Variants in LRRC8E observed in about 807,000 individuals in gnomAD.
LRRC8E encodes volume-regulated anion channel subunit LRRC8E.
LRRC8E carries 6 observed loss-of-function variants against 6.1 expected under a neutral mutation model. The observed-to-expected ratio is 0.98, with a 90% CI of 0.54 to 1.93. LRRC8E has a LOEUF of 1.93. Ranked by LOEUF, LRRC8E falls within the 30% of genes most tolerant of loss-of-function variation. The probability of loss-of-function intolerance (pLI) is 0.01; values close to 1 mark genes in which losing one functional copy is unlikely to be tolerated. For synonymous variants in LRRC8E, 485 were observed against 472.8 expected (o/e 1.03, Z -0.33); for missense variants, 1,028 against 1,031.4 (o/e 1.00, Z 0.04).
Position 7,900,131 on chromosome 19 carries a change from C to G in LRRC8E, c.1609C>G (p.Leu537Val). ...GGAGAGCCTCCGGGAGCTGAAGCAG[C>G]TCAAGGTGTTGTCCCTCCGGAGCAA... ...TLESLRELKQLKVLSLRSNAG... is the reference protein window; with the variant it reads ...TLESLRELKQVKVLSLRSNAG... The change falls in exon 3 of 3, where the codon CTC (leucine) becomes GTC (valine). Residue 537 changes from leucine to valine, a missense_variant. Transcript: ENST00000306708. This position sits in a 1 kb window ranked among gnomAD's most constrained non-coding sequence, Gnocchi z 5.0. The G allele has an allele frequency of 6.2e-7, 1 of 1,612,944 alleles. No homozygotes were observed. The highest frequency in any genetic ancestry group is 1.3e-5 in the African/African-American group (1 of 75,072).
chr19:7,890,595 C>T (rs1981251247), intron 1 of LRRC8E, among the ~76,000 whole-genome samples: 1 of 152,038 alleles, frequency 6.6e-6, no homozygotes, highest in African/African-American at 2.4e-5. Context: ...TGAGACCATC[C>T]TGGCTAATAC....
chr19:7,900,694 G>A lies in LRRC8E; in HGVS notation c.2172G>A (p.Leu724=). Residue 724 remains leucine (L), a synonymous_variant, in exon 3 of 3, where the codon CTG becomes CTA. Coordinates refer to ENST00000306708, the MANE Select transcript of LRRC8E (RefSeq NM_025061.6). The surrounding 1 kb of genome is among the most constrained non-coding windows in gnomAD (Gnocchi z 5.0). ...AAGAGCTCTTCTTCTGCCGCAAGCT[G>A]CGGACGTTGCTTCTGGGCGACAACC... is the stretch of plus-strand genomic sequence containing the variant. ...LPEELFFCRK[L]RTLLLGDNQL... The A allele has an allele frequency of 6.2e-7, 1 of 1,613,432 alleles. No homozygotes were observed. Among genetic ancestry groups the A allele is most frequent in the Non-Finnish European group, 8.5e-7 (1 of 1,180,034 alleles).
rs1277418363 is a variant in LRRC8E, at chr19:7,895,885, C to T, written c.138+144C>T. On this transcript the variant is annotated intron_variant, in intron 2 of 2. Coordinates refer to ENST00000306708, the MANE Select transcript of LRRC8E (RefSeq NM_025061.6). The surrounding 1 kb of genome is among the most constrained non-coding windows in gnomAD (Gnocchi z 4.7). ...AAGGCCAATCCAGACCCCTTATCTT[C>T]CTTACCTCCATAGCCAGGAGCACCG... The T allele has an allele frequency of 1.0e-6, 1 of 974,120 alleles. No homozygotes were observed. The highest frequency in any genetic ancestry group is 1.5e-6 in the Non-Finnish European group (1 of 667,356). 60.3% of individuals were successfully genotyped at this position (974,120 alleles called of 1,614,324 possible).
rs1331073923 is a variant in LRRC8E, at chr19:7,901,128, G to A, written c.*215G>A. 6 of 484,490 alleles carry A rather than the reference G, an allele frequency of 1.2e-5. No individual in the cohort carries two copies. In the East Asian group the frequency reaches 1.3e-4, roughly 10 times the overall value. The allele number at this position is 484,490 out of a possible 1,614,324, so 30.0% of individuals were successfully genotyped here. A position where few individuals can be genotyped will look rare whatever the true frequency, so the allele number is the denominator to read the frequency against. ...GTGGAGCTGGGGTGGAACCTGGTAT[G>A]GAGGGATTAACTCAGTCATGGCATT... On this transcript the variant is annotated 3_prime_UTR_variant, in exon 3 of 3. Transcript: ENST00000306708.
Position 7,900,227 on chromosome 19 carries a change from G to A in LRRC8E, c.1705G>A (p.Gly569Arg), listed in dbSNP as rs1325488809. 2 of 1,613,270 alleles carry A rather than the reference G, an allele frequency of 1.2e-6. No homozygotes were observed. Among genetic ancestry groups the A allele is most frequent in the Non-Finnish European group, 1.7e-6 (2 of 1,180,024 alleles). ...HLQRLSLHND[G>R]ARLVALNSLK... is the part of the protein sequence containing the mutation. ...GCAGAGGCTCAGCCTGCACAACGAT[G>A]GGGCCCGTCTGGTTGCCCTGAACAG... The change falls in exon 3 of 3, where the codon GGG becomes AGG. Residue 569 changes from glycine (G) to arginine (R), a missense_variant. Gly to Arg is a moderately radical substitution (Grantham distance 125). Transcript: ENST00000306708. The surrounding 1 kb of genome is among the most constrained non-coding windows in gnomAD (Gnocchi z 5.0).
rs886154406 is a variant in LRRC8E at position 7,895,519 on chromosome 19, C to T, written c.-5-80C>T. Reference sequence around the variant, plus strand: ...GGAGGGTCACAGGCCTGCCTGTGTCCGGCTCCTCGGAGGACCCCCTGCAGA... The same window carrying T: ...GGAGGGTCACAGGCCTGCCTGTGTCTGGCTCCTCGGAGGACCCCCTGCAGA... On this transcript the variant is annotated intron_variant, in intron 1 of 2. Transcript: ENST00000306708. This position sits in a 1 kb window ranked among gnomAD's most constrained non-coding sequence, Gnocchi z 4.7. 1.0e-4 allele frequency: 154 copies of T among 1,543,034 alleles called. No individual in the cohort carries two copies. The highest frequency in any genetic ancestry group is 1.1e-4 in the Non-Finnish European group (129 of 1,127,730).
At chr19:7,891,565 G>A (rs1048907241) in intron 1 of LRRC8E, among the ~76,000 whole-genome samples, 2 of 148,652 alleles carry the variant, frequency 1.3e-5, no homozygotes, top group Non-Finnish European at 3.0e-5. Context: ...GTGTGTGTGT[G>A]TTGTGTGATT....
chr19:7,894,468 C>A (rs1981472860), intron 1 of LRRC8E, among the ~76,000 whole-genome samples: 1 of 152,198 alleles, frequency 6.6e-6, no homozygotes. Flanking sequence ...CTCAAGTGAT[C>A]CACCTGCCTC....
chr19:7,890,753 C>A (rs1981262439), intron 1 of LRRC8E, among the ~76,000 whole-genome samples: 1 of 151,712 alleles, frequency 6.6e-6, no homozygotes, highest in African/African-American at 2.4e-5. Flanking sequence ...CACACCACTG[C>A]ACTCCAGCCT....
chr19:7,900,614 C>T lies in LRRC8E; in HGVS notation c.2092C>T (p.Leu698=). The change falls in exon 3 of 3, where the codon CTG becomes TTG. Residue 698 remains leucine, a synonymous_variant. Coordinates refer to ENST00000306708, the MANE Select transcript of LRRC8E (RefSeq NM_025061.6). The surrounding 1 kb of genome is among the most constrained non-coding windows in gnomAD (Gnocchi z 5.0). ...LHSLPPEVGL[L]QNLQHLALSY... is the part of the protein sequence containing the mutation. ...CTCCCTGCCACCCGAGGTGGGCCTC[C>T]TGCAGAACCTACAGCACCTGGCCCT... 6.2e-7 allele frequency: 1 copy of T among 1,613,384 alleles called. No individual in the cohort carries two copies. The highest frequency in any genetic ancestry group is 8.5e-7 in the Non-Finnish European group (1 of 1,180,050).
intron 1 of LRRC8E, among the ~76,000 whole-genome samples, chr19:7,890,713 C>A (rs1008235011): frequency 2.0e-5 from 3 of 150,488 alleles, no homozygotes; most frequent in Non-Finnish European, 4.4e-5. Context: ...GGTGTGAACC[C>A]GGGAGGCGGA....
At chr19:7,898,574 G>T (rs1436785476) in intron 2 of LRRC8E, 87 bp from the exon 3 acceptor site, 7 of 1,213,440 alleles carry the variant, frequency 5.8e-6, no homozygotes, top group Non-Finnish European at 7.0e-6. Flanking sequence ...GGCCAGGCTG[G>T]TCTCGAACTC....
At position 7,895,619 on chromosome 19, in the gene LRRC8E, G is replaced by C. The variant is rs747829309; in HGVS notation, c.16G>C (p.Glu6Gln). 1.2e-6 allele frequency: 2 copies of C among 1,613,370 alleles called. No homozygotes were observed. The highest frequency in any genetic ancestry group is 8.5e-7 in the Non-Finnish European group (1 of 1,179,338). The change falls in exon 2 of 3, where the codon GAG becomes CAG. Residue 6 changes from glutamate to glutamine, a missense_variant. Glu to Gln is a conservative substitution (Grantham distance 29, BLOSUM62 2). Transcript: ENST00000306708. The surrounding 1 kb of genome is among the most constrained non-coding windows in gnomAD (Gnocchi z 4.7). ...CACAGGCAGCATGATCCCAGTGGCC[G>C]AGTTCAAGCAGTTCACGGAACAGCA... Reference protein sequence around the residue: MIPVAEFKQFTEQQPA... With the variant: MIPVAQFKQFTEQQPA...
chr19:7,892,497 T>C (rs529255278), intron 1 of LRRC8E, among the ~76,000 whole-genome samples: 12 of 152,040 alleles, frequency 7.9e-5, no homozygotes, highest in African/African-American at 2.9e-4. Flanking sequence ...CCTGAGCCAC[T>C]GCACCCAGCC....
rs577580976 is a variant in LRRC8E, at chr19:7,899,114, G to C, written c.592G>C (p.Ala198Pro). Reference sequence around the variant, plus strand: ...CATGGCAGGGACCGGGCCGGGGAAGGCAGGGGAGGGTGAGAAGGAGAAAGT... The same window carrying C: ...CATGGCAGGGACCGGGCCGGGGAAGCCAGGGGAGGGTGAGAAGGAGAAAGT... ...VAMAGTGPGK[A>P]GEGEKEKVLA... is the part of the protein sequence containing the mutation. Residue 198 changes from alanine (A) to proline (P), a missense_variant, in exon 3 of 3, where the codon GCA (alanine) becomes CCA (proline). By Grantham distance (27) the Ala-to-Pro change is conservative (BLOSUM62 -1). Coordinates refer to ENST00000306708, the MANE Select transcript of LRRC8E (RefSeq NM_025061.6). 1 of 1,613,250 alleles carries C rather than the reference G, an allele frequency of 6.2e-7. No homozygotes were observed. The highest frequency in any genetic ancestry group is 8.5e-7 in the Non-Finnish European group (1 of 1,179,460).
Position 7,899,868 on chromosome 19 carries a change from A to G in LRRC8E, c.1346A>G (p.Asp449Gly), listed in dbSNP as rs752114127. The change falls in exon 3 of 3, where the codon GAT becomes GGT. Residue 449 changes from aspartate (D) to glycine (G), a missense_variant. Asp to Gly is a moderately conservative substitution (Grantham distance 94). Transcript: ENST00000306708. ...TCACTCAGGCTGGAGGCCATCTGCGATATCACCTTCCCCCCGGGGCTGTCA... is the reference window on the plus strand; with the variant it reads ...TCACTCAGGCTGGAGGCCATCTGCGGTATCACCTTCCCCCCGGGGCTGTCA... Reference protein sequence around the residue: ...VESLRLEAICDITFPPGLSQL... With the variant: ...VESLRLEAICGITFPPGLSQL... 25 of 1,606,316 alleles carry G rather than the reference A, an allele frequency of 1.6e-5. No individual in the cohort carries two copies. The highest frequency in any genetic ancestry group is 1.9e-5 in the Non-Finnish European group (23 of 1,179,966).
At chr19:7,894,433 G>A (rs1197561481) in intron 1 of LRRC8E, among the ~76,000 whole-genome samples, 1 of 152,132 alleles carries the variant, frequency 6.6e-6, no homozygotes, top group Non-Finnish European at 1.5e-5. Flanking sequence ...CACCATGTTG[G>A]CCTCACTGGT....
rs533920699 is a variant in LRRC8E, at chr19:7,892,418, C to T, written c.-5-3181C>T. On this transcript the variant is annotated intron_variant, in intron 1 of 2. Transcript: ENST00000306708. Reference sequence around the variant, plus strand: ...AGAAATGGGGTCTGACTATGTTGTCCTGGCTGCTCAAACTCCTGGGCTCAA... The same window carrying T: ...AGAAATGGGGTCTGACTATGTTGTCTTGGCTGCTCAAACTCCTGGGCTCAA... Among the ~76,000 whole-genome samples, 46 of 152,194 alleles carry T rather than the reference C, an allele frequency of 3.0e-4. No homozygotes were observed. The East Asian group carries it at 8.7e-3, about 29-fold the overall frequency.
chr19:7,896,114 T>G (rs564564650), intron 2 of LRRC8E, among the ~76,000 whole-genome samples: 49 of 151,926 alleles, frequency 3.2e-4, no homozygotes, highest in Non-Finnish European at 6.2e-4. Flanking sequence ...ATTTTGGTAG[T>G]TTTTTAGTAG....
Sources: allele counts gnomAD v4.1 joint callset (sites outside exome capture counted in the v4.1 genomes callset), GRCh38; gene constraint gnomAD v4.1.1; non-coding constraint Gnocchi (gnomAD v3.1); transcripts MANE v1.5; gene names NCBI Gene and HGNC (gene_info 2026-07-23, HGNC 2026-07-21).